The following LRRK2 variants were observed in gnomAD, a reference collection of about 807,000 sequenced individuals.
LRRK2 encodes the protein leucine-rich repeat serine/threonine-protein kinase 2.
A neutral mutation model predicts 302.6 loss-of-function variants in LRRK2; 203 were observed. That is an observed-to-expected ratio of 0.67 (90% confidence interval 0.60 to 0.75). The LOEUF (loss-of-function observed/expected upper bound fraction) is 0.75. LRRK2 is among the 30% of genes least tolerant of loss of function. LRRK2 has a pLI of 0.00. For synonymous variants in LRRK2, 1,066 were observed against 1,031.9 expected (o/e 1.03, Z -0.63); for missense variants, 2,830 against 2,951.0 (o/e 0.96, Z 0.95).
In LRRK2 at chr12:40,278,272, A is replaced by G. The variant is rs202099365; in HGVS notation, c.2241+11A>G. 2.5e-6 allele frequency: 4 copies of G among 1,614,088 alleles called. No individual in the cohort carries two copies. Among genetic ancestry groups the G allele is most frequent in the Non-Finnish European group, 3.4e-6 (4 of 1,179,952 alleles). Reference sequence around the variant, plus strand: ...TCTTTAATTTGTCAGGTAAATATTCAAGGCCTCACTTTTGTCTTTGCTCAG... The same window carrying G: ...TCTTTAATTTGTCAGGTAAATATTCGAGGCCTCACTTTTGTCTTTGCTCAG... On this transcript the variant is annotated intron_variant, in intron 18 of 50. Coordinates refer to ENST00000298910, the MANE Select transcript of LRRK2 (RefSeq NM_198578.4).
In LRRK2 at chr12:40,308,714, A is replaced by G; in HGVS notation, c.4189+18A>G. ...TTTTGCAGGTATTTCTTTCTATAGA[A>G]TTTTAAAATTCACTTTTACCATTTG... On this transcript the variant is annotated intron_variant, in intron 29 of 50. Coordinates refer to ENST00000298910, the MANE Select transcript of LRRK2 (RefSeq NM_198578.4). The G allele has an allele frequency of 6.2e-7, 1 of 1,607,148 alleles. No individual in the cohort carries two copies. Among genetic ancestry groups the G allele is most frequent in the Non-Finnish European group, 8.5e-7 (1 of 1,174,542 alleles).
At chr12:40,324,608 T>C (rs750350157) in intron 38 of LRRK2, among the ~76,000 whole-genome samples, 1 of 152,232 alleles carries the variant, frequency 6.6e-6, no homozygotes, top group Non-Finnish European at 1.5e-5. Flanking sequence ...ATGCCTAAGA[T>C]CTGTCAGTCA....
intron 14 of LRRK2, among the ~76,000 whole-genome samples, chr12:40,274,209 T>C (rs1336511156): frequency 2.0e-5 from 3 of 152,184 alleles, no homozygotes; most frequent in Admixed American, 6.5e-5. Context: ...GGGTGAAACA[T>C]ATTTGGTTTG....
chr12:40,233,290 T>G lies in LRRK2; in HGVS notation c.347+907T>G, dbSNP rs148951050. Among the ~76,000 whole-genome samples, 155 of 152,352 alleles carry G rather than the reference T, an allele frequency of 1.0e-3. 1 individual carries two copies. Among genetic ancestry groups the G allele is most frequent in the African/African-American group, 3.6e-3 (151 of 41,586 alleles). ...TTATACCTAATATGACTTTTCTTTA[T>G]CACAGAAAAGGAAATTGTGAATATT... On this transcript the variant is annotated intron_variant, in intron 3 of 50. Coordinates refer to ENST00000298910, the MANE Select transcript of LRRK2 (RefSeq NM_198578.4).
At chr12:40,252,242 ATAG>A (rs1942305920) in intron 10 of LRRK2, among the ~76,000 whole-genome samples, 2 of 152,226 alleles carry the variant, frequency 1.3e-5, no homozygotes, top group Non-Finnish European at 1.5e-5. Context: ...TTGGAAACAA[ATAG>A]TAGTATTCTA....
At chr12:40,350,885 T>A (rs144319724) in intron 43 of LRRK2, among the ~76,000 whole-genome samples, 26 of 152,318 alleles carry the variant, frequency 1.7e-4, no homozygotes, top group Admixed American at 5.2e-4. Flanking sequence ...ATTAAAAAGC[T>A]TAGACATACT....
At chr12:40,256,256 G>C (rs770375602) in intron 11 of LRRK2, among the ~76,000 whole-genome samples, 3 of 152,136 alleles carry the variant, frequency 2.0e-5, no homozygotes, top group Non-Finnish European at 1.5e-5. Flanking sequence ...AGACCAGGCT[G>C]GGCAACATAG....
At chr12:40,299,303 G>T in intron 25 of LRRK2, 46 bp downstream of exon 25, 1 of 1,602,958 alleles carries the variant, frequency 6.2e-7, no homozygotes, top group Non-Finnish European at 8.5e-7. Context: ...CCTCTAAGTT[G>T]TACAAGATGA....
chr12:40,243,985 G>A (rs1941860980), intron 7 of LRRK2, among the ~76,000 whole-genome samples: 1 of 151,878 alleles, frequency 6.6e-6, no homozygotes. Context: ...TTATTGTTGA[G>A]GCTATATTTA....
At chr12:40,297,912 T>A (rs1243944458) in intron 23 of LRRK2, among the ~76,000 whole-genome samples, 6 of 152,132 alleles carry the variant, frequency 3.9e-5, no homozygotes, top group Non-Finnish European at 8.8e-5. Context: ...TTTTGTTAAA[T>A]CATTAATTCA....
rs75043706 is a variant in LRRK2, at chr12:40,349,985, A to T, written c.6381+1476A>T. On this transcript the variant is annotated intron_variant, in intron 43 of 50. Coordinates refer to ENST00000298910, the MANE Select transcript of LRRK2 (RefSeq NM_198578.4). ...GATTTGTTTTTTAACTGCCCAGTTA[A>T]CGTAAATCTGGTCTATGAATTGTAT... Among the ~76,000 whole-genome samples the T allele has an allele frequency of 2.1e-4, 32 of 152,328 alleles. 1 individual carries two copies. In the East Asian group the frequency reaches 6.2e-3, roughly 29 times the overall value.
At chr12:40,263,400 T>C (rs1051425285) in intron 13 of LRRK2, among the ~76,000 whole-genome samples, 1 of 31,762 alleles carries the variant, frequency 3.1e-5, no homozygotes, top group African/African-American at 1.9e-4. Context: ...ATTTCATTTC[T>C]GCCTTTTTAT....
Position 40,232,345 on chromosome 12 carries a change from G to C in LRRK2, c.309G>C (p.Gln103His), listed in dbSNP as rs200926937. The C allele has an allele frequency of 3.6e-5, 58 of 1,614,082 alleles. No individual in the cohort carries two copies. The Admixed American group carries it at 5.3e-4, about 15-fold the overall frequency. ...PGTMQSLMGPQDVGNDWEVLG... is the reference protein window; with the variant it reads ...PGTMQSLMGPHDVGNDWEVLG... The stretch of plus-strand genomic sequence containing the variant: ...CAATGCAAAGCTTAATGGGACCCCA[G>C]GATGTTGGAAATGATTGGGAAGTCC... Residue 103 changes from glutamine to histidine, a missense_variant, in exon 3 of 51, where the codon CAG (glutamine) becomes CAC (histidine). Transcript: ENST00000298910.
chr12:40,309,460 CT>C (rs1944962227), intron 30 of LRRK2, among the ~76,000 whole-genome samples: 1 of 151,954 alleles, frequency 6.6e-6, no homozygotes, highest in Admixed American at 6.6e-5. Context: ...TAACCTGAAA[CT>C]CTTTTATGCT....
At chr12:40,339,519 A>G (rs181145737) in intron 40 of LRRK2, among the ~76,000 whole-genome samples, 84 of 152,160 alleles carry the variant, frequency 5.5e-4, no homozygotes, top group Admixed American at 4.6e-3. Flanking sequence ...GAAATGTCCA[A>G]CTCTAGTTGC....
At chr12:40,270,093 T>A (rs548792774) in intron 14 of LRRK2, among the ~76,000 whole-genome samples, 77 of 152,284 alleles carry the variant, frequency 5.1e-4, no homozygotes, top group East Asian at 4.0e-3. Flanking sequence ...GAATATTTTA[T>A]AAGATAATTC....
At chr12:40,347,270 A>G (rs1028186564) in intron 42 of LRRK2, among the ~76,000 whole-genome samples, 1 of 152,222 alleles carries the variant, frequency 6.6e-6, no homozygotes, top group African/African-American at 2.4e-5. Flanking sequence ...TTGGAGTGAA[A>G]TAATTTACAT....
chr12:40,345,206 G>A (rs73097494), intron 41 of LRRK2, among the ~76,000 whole-genome samples: 1,794 of 152,248 alleles, frequency 0.012, 46 homozygotes, highest in African/African-American at 0.038. Flanking sequence ...AAGATAAAAT[G>A]CACAGATAAT....
chr12:40,299,443 A>C (rs1944538009), intron 25 of LRRK2, among the ~76,000 whole-genome samples, 186 bp downstream of exon 25: 1 of 152,182 alleles, frequency 6.6e-6, no homozygotes, highest in Non-Finnish European at 1.5e-5. Context: ...AAAGACATGA[A>C]AGAAACATAA....
Sources: gnomAD v4.1 joint callset for allele counts (sites outside exome capture counted in the v4.1 genomes callset) on GRCh38, gnomAD v4.1.1 for gene constraint, MANE v1.5 for transcripts, NCBI Gene and HGNC (gene_info 2026-07-23, HGNC 2026-07-21) for gene names.